Variants in TC2N observed in about 807,000 individuals in gnomAD.
TC2N encodes the protein tandem C2 domains nuclear protein.
A neutral mutation model predicts 61.9 loss-of-function variants in TC2N; 51 were observed. That is an observed-to-expected ratio of 0.82 (90% confidence interval 0.66 to 1.04). The LOEUF (loss-of-function observed/expected upper bound fraction) is 1.04, where lower values mean the gene tolerates loss of function less well. Among genes scored for constraint, TC2N ranks in the 50% least tolerant of loss-of-function variants. The probability of loss-of-function intolerance (pLI) is 0.00; values close to 1 mark genes in which losing one functional copy is unlikely to be tolerated. For missense variants in TC2N, 556 were observed against 566.7 expected (o/e 0.98, Z 0.19); for synonymous variants, 204 against 192.6 (o/e 1.06, Z -0.49).
intron 6 of TC2N, among the ~76,000 whole-genome samples, chr14:91,798,653 A>T (rs1226954743): frequency 2.6e-5 from 4 of 152,010 alleles, no homozygotes; most frequent in African/African-American, 9.7e-5. Context: ...ATTAAAACTA[A>T]GAGAAATCTT....
chr14:91,783,108 G>A lies in TC2N; in HGVS notation c.1465C>T (p.Pro489Ser). ...KVVIRWHKLN[P>S]S The stretch of plus-strand genomic sequence containing the variant: ...ATTAATGTGTGAAGTCTTCAAGATG[G>A]ATTTAATTTGTGCCACCTGATAACA... Residue 489 changes from proline to serine, a missense_variant, in exon 12 of 12, where the codon CCA (proline) becomes TCA (serine). Coordinates refer to ENST00000435962, the MANE Select transcript of TC2N (RefSeq NM_001128596.3). The A allele has an allele frequency of 6.3e-7, 1 of 1,594,324 alleles. No homozygotes were observed. The highest frequency in any genetic ancestry group is 8.6e-7 in the Non-Finnish European group (1 of 1,163,038).
intron 1 of TC2N, among the ~76,000 whole-genome samples, chr14:91,847,630 C>T (rs761701393): frequency 1.1e-4 from 17 of 152,164 alleles, no homozygotes; most frequent in Non-Finnish European, 1.9e-4. Flanking sequence ...GTGAGGGAGC[C>T]GTCTTGGAAG....
intron 1 of TC2N, among the ~76,000 whole-genome samples, chr14:91,858,154 T>TCTTC (rs1555373189): frequency 5.7e-5 from 8 of 139,198 alleles, no homozygotes; most frequent in East Asian, 2.1e-4. Context: ...TTCTTCTTCT[T>TCTTC]TTTTTTTTTT....
intron 1 of TC2N, among the ~76,000 whole-genome samples, chr14:91,841,972 C>T (rs1405894777): frequency 7.9e-6 from 1 of 125,820 alleles, no homozygotes; most frequent in East Asian, 2.5e-4. Context: ...TCCTTCCCTT[C>T]CACCTTTTTT....
chr14:91,789,586 G>A (rs1885543323), intron 9 of TC2N, among the ~76,000 whole-genome samples: 1 of 150,322 alleles, frequency 6.7e-6, no homozygotes, highest in Non-Finnish European at 1.5e-5. Flanking sequence ...ACTCCAGCCT[G>A]GGCGACAGAG....
At position 91,783,196 on chromosome 14, in the gene TC2N, T is replaced by C. The variant is rs1291347550; in HGVS notation, c.1377A>G (p.Glu459=). The C allele has an allele frequency of 3.7e-6, 6 of 1,601,452 alleles. No homozygotes were observed. In the Admixed American group the frequency reaches 6.7e-5, roughly 18 times the overall value. The change falls in exon 12 of 12, where the codon GAA becomes GAG. Residue 459 remains glutamate (E), a synonymous_variant. Coordinates refer to ENST00000435962, the MANE Select transcript of TC2N (RefSeq NM_001128596.3). ...TCACTGCTTCAATGTTATTACTGTCTTCACTTATCCAAATCTGTAAAGGAA... is the reference window on the plus strand; with the variant it reads ...TCACTGCTTCAATGTTATTACTGTCCTCACTTATCCAAATCTGTAAAGGAA... The part of the protein sequence containing the change: ...KHFVGQIWIS[E]DSNNIEAVNQ...
intron 1 of TC2N, among the ~76,000 whole-genome samples, chr14:91,815,679 T>A (rs1025061503): frequency 6.6e-6 from 1 of 151,658 alleles, no homozygotes; most frequent in Non-Finnish European, 1.5e-5. Context: ...ATGGCAAATC[T>A]TATTTCATCT....
At chr14:91,835,946 G>C (rs527550694) in intron 1 of TC2N, among the ~76,000 whole-genome samples, 3 of 152,172 alleles carry the variant, frequency 2.0e-5, no homozygotes, top group Admixed American at 1.3e-4. Flanking sequence ...CACCGTCCCC[G>C]GTCACGGGTC....
chr14:91,835,463 A>T (rs2139901759), intron 1 of TC2N, among the ~76,000 whole-genome samples: 1 of 152,368 alleles, frequency 6.6e-6, no homozygotes, highest in South Asian at 2.1e-4. Context: ...TAAAGGGAGA[A>T]CTAGAATAAT....
intron 1 of TC2N, among the ~76,000 whole-genome samples, chr14:91,816,367 TTATTA>T (rs1363251179): frequency 2.0e-5 from 3 of 151,882 alleles, no homozygotes; most frequent in African/African-American, 2.4e-5. Context: ...TATATCTCTC[TTATTA>T]TAAGTGATGT....
At chr14:91,824,126 T>C (rs1022360094) in intron 1 of TC2N, among the ~76,000 whole-genome samples, 3 of 152,150 alleles carry the variant, frequency 2.0e-5, no homozygotes, top group African/African-American at 4.8e-5. Context: ...GCTAGAACAT[T>C]CTAGTATGAG....
intron 1 of TC2N, among the ~76,000 whole-genome samples, chr14:91,858,391 G>C (rs1374153028): frequency 1.3e-5 from 2 of 152,110 alleles, no homozygotes; most frequent in African/African-American, 2.4e-5. Context: ...AGAGAGGCCA[G>C]ATGACTTGCC....
At chr14:91,864,576 G>A (rs911006144) in intron 1 of TC2N, among the ~76,000 whole-genome samples, 1 of 152,088 alleles carries the variant, frequency 6.6e-6, no homozygotes, top group African/African-American at 2.4e-5. Flanking sequence ...CTGAGTAGAA[G>A]GTTGGAAACG....
chr14:91,840,822 G>C (rs1200305041), intron 1 of TC2N, among the ~76,000 whole-genome samples: 1 of 152,026 alleles, frequency 6.6e-6, no homozygotes, highest in Non-Finnish European at 1.5e-5. Flanking sequence ...ATCTTACCTG[G>C]ATAACTGTTA....
At chr14:91,783,618 G>A (rs1885226926) in intron 11 of TC2N, among the ~76,000 whole-genome samples, 1 of 151,996 alleles carries the variant, frequency 6.6e-6, no homozygotes, top group Non-Finnish European at 1.5e-5. Context: ...TAAGGAATGT[G>A]CATTTTAAAT....
At chr14:91,790,898 G>A (rs149647626) in intron 9 of TC2N, among the ~76,000 whole-genome samples, 5 of 152,066 alleles carry the variant, frequency 3.3e-5, no homozygotes, top group Admixed American at 6.5e-5. Context: ...TTGGGAGGCC[G>A]AGGCAGGAGG....
chr14:91,838,529 A>G (rs1229791174), intron 1 of TC2N, among the ~76,000 whole-genome samples: 1 of 152,240 alleles, frequency 6.6e-6, no homozygotes. Context: ...GGGCAAGACC[A>G]TAACTTTTAC....
intron 1 of TC2N, among the ~76,000 whole-genome samples, chr14:91,821,651 A>G (rs1011756324): frequency 3.2e-4 from 49 of 152,222 alleles, no homozygotes; most frequent in African/African-American, 1.1e-3. Context: ...TTGATGTACT[A>G]GATTTAATTG....
At chr14:91,805,808 AG>A (rs1566770328) in intron 3 of TC2N, among the ~76,000 whole-genome samples, 1 of 152,214 alleles carries the variant, frequency 6.6e-6, no homozygotes, top group Non-Finnish European at 1.5e-5. Flanking sequence ...GTAATGTCCT[AG>A]TTTTCACATT....
Sources: gnomAD v4.1 joint callset for allele counts (sites outside exome capture counted in the v4.1 genomes callset) on GRCh38, gnomAD v4.1.1 for gene constraint, MANE v1.5 for transcripts, NCBI Gene and HGNC (gene_info 2026-07-23, HGNC 2026-07-21) for gene names.